The following RAB3GAP1 variants were observed in gnomAD, a reference collection of about 807,000 sequenced individuals.
RAB3GAP1 encodes RAB3 GTPase activating protein catalytic subunit 1, also known as rab3 GTPase-activating protein catalytic subunit.
A neutral mutation model predicts 130.7 loss-of-function variants in RAB3GAP1; 86 were observed. That is an observed-to-expected ratio of 0.66 (90% CI 0.55 to 0.79). The LOEUF is 0.79. Among genes scored for constraint, RAB3GAP1 ranks in the 30% least tolerant of loss-of-function variants. The pLI, the probability that RAB3GAP1 is intolerant of heterozygous loss-of-function variation, is 0.00. For missense variants in RAB3GAP1, 1,029 were observed against 1,169.4 expected (o/e 0.88, Z 1.75); for synonymous variants, 367 against 401.7 (o/e 0.91, Z 1.03).
chr2:135,142,765 T>C (rs903133224), intron 17 of RAB3GAP1, among the ~76,000 whole-genome samples: 3 of 152,106 alleles, frequency 2.0e-5, no homozygotes, highest in African/African-American at 7.2e-5. Flanking sequence ...TAATCCTATT[T>C]TATTCTCCCT....
chr2:135,131,249 C>T (rs760919738), intron 13 of RAB3GAP1, among the ~76,000 whole-genome samples: 47 of 151,996 alleles, frequency 3.1e-4, no homozygotes, highest in African/African-American at 1.1e-3. Flanking sequence ...TTTTTTGAGA[C>T]GAAGTCTCGC....
intron 3 of RAB3GAP1, among the ~76,000 whole-genome samples, chr2:135,087,221 A>C (rs1690012254): frequency 6.6e-6 from 1 of 152,182 alleles, no homozygotes; most frequent in South Asian, 2.1e-4. Context: ...TGTGAAGTCA[A>C]ATGTAAGTGC....
chr2:135,106,006 G>C (rs1180486219), intron 5 of RAB3GAP1, among the ~76,000 whole-genome samples: 1 of 147,030 alleles, frequency 6.8e-6, no homozygotes, highest in African/African-American at 2.5e-5. Flanking sequence ...CAGCTGCCCC[G>C]TCTGAGAAGT....
In RAB3GAP1 at chr2:135,067,987, G is replaced by A. The variant is rs552651539; in HGVS notation, c.150+9901G>A. The stretch of plus-strand genomic sequence containing the variant: ...ATTCCTGGGTTCAAGTGATTCTCCC[G>A]CCTCAGCCTCCCAAAATGCTAGGAT... On this transcript the variant is annotated intron_variant, in intron 3 of 23. Transcript: ENST00000264158. 2.0e-4 allele frequency among the ~76,000 whole-genome samples: 31 copies of A among 152,124 alleles called. 1 individual carries two copies. The highest frequency in any genetic ancestry group is 1.9e-3 in the Admixed American group (29 of 15,270).
intron 3 of RAB3GAP1, among the ~76,000 whole-genome samples, chr2:135,064,128 T>A (rs1386751789): frequency 2.0e-5 from 3 of 152,168 alleles, no homozygotes; most frequent in African/African-American, 7.2e-5. Flanking sequence ...TTTTTTTATT[T>A]AAAAAAATTT....
intron 17 of RAB3GAP1, chr2:135,137,110 C>T (rs1386740879): frequency 6.8e-6 from 2 of 294,260 alleles, no homozygotes; most frequent in Admixed American, 8.2e-5. Flanking sequence ...AAGATTGATT[C>T]TAGGACTGTG....
intron 22 of RAB3GAP1, among the ~76,000 whole-genome samples, chr2:135,164,389 G>T (rs1692565837): frequency 6.6e-6 from 1 of 152,040 alleles, no homozygotes; most frequent in South Asian, 2.1e-4. Context: ...TATGAGCACA[G>T]GTGAAAAAGC....
At chr2:135,112,121 C>T in intron 5 of RAB3GAP1, among the ~76,000 whole-genome samples, 1 of 152,218 alleles carries the variant, frequency 6.6e-6, no homozygotes, top group Non-Finnish European at 1.5e-5. Flanking sequence ...CCCAGCCCCA[C>T]CACTGACCCT....
intron 5 of RAB3GAP1, among the ~76,000 whole-genome samples, chr2:135,101,425 A>G (rs1690446172): frequency 6.6e-6 from 1 of 152,248 alleles, no homozygotes; most frequent in Non-Finnish European, 1.5e-5. Flanking sequence ...TATACCATAA[A>G]TATACAATTA....
At chr2:135,081,327 A>AAAAAATATATAT (rs1363481112) in intron 3 of RAB3GAP1, among the ~76,000 whole-genome samples, 11 of 64,044 alleles carry the variant, frequency 1.7e-4, no homozygotes, top group Admixed American at 8.5e-4. Flanking sequence ...AAAAAAAAAA[A>AAAAAATATATAT]ATATATATAT....
chr2:135,065,802 C>G (rs906572169), intron 3 of RAB3GAP1, among the ~76,000 whole-genome samples: 5 of 137,444 alleles, frequency 3.6e-5, no homozygotes, highest in African/African-American at 1.5e-4. Context: ...GACGGAGTCT[C>G]ACTCTGTCAC....
chr2:135,173,260 CAT>C (rs1472227584), downstream of RAB3GAP1, among the ~76,000 whole-genome samples: 1 of 151,662 alleles, frequency 6.6e-6, no homozygotes, highest in Non-Finnish European at 1.5e-5. Flanking sequence ...AATTGGGAAA[CAT>C]AGATAGTACT....
At chr2:135,092,488 G>C (rs1690171205) in intron 4 of RAB3GAP1, among the ~76,000 whole-genome samples, 1 of 152,178 alleles carries the variant, frequency 6.6e-6, no homozygotes, top group Non-Finnish European at 1.5e-5. Context: ...CCAGGCTGTA[G>C]GGCAATGGCG....
intron 7 of RAB3GAP1, among the ~76,000 whole-genome samples, chr2:135,117,603 T>TCTTCTTCTG (rs1558784468): frequency 7.2e-6 from 1 of 139,222 alleles, no homozygotes; most frequent in African/African-American, 2.9e-5. Flanking sequence ...TGCTGCTTCT[T>TCTTCTTCTG]CTGCTTCTTC....
chr2:135,147,649 C>T (rs1283122026), intron 17 of RAB3GAP1, among the ~76,000 whole-genome samples: 2 of 136,540 alleles, frequency 1.5e-5, no homozygotes, highest in African/African-American at 2.7e-5. Flanking sequence ...CGGGGTCTCA[C>T]TCTGTTGCCC....
chr2:135,112,834 T>TCTCACACACACACA (rs952841554), intron 5 of RAB3GAP1, among the ~76,000 whole-genome samples: 1 of 132,372 alleles, frequency 7.6e-6, no homozygotes, highest in Non-Finnish European at 1.6e-5. Flanking sequence ...TCTCTCTCTC[T>TCTCACACACACACA]CACACACACA....
intron 7 of RAB3GAP1, among the ~76,000 whole-genome samples, chr2:135,119,224 T>C (rs1347436341): frequency 6.6e-6 from 1 of 152,032 alleles, no homozygotes; most frequent in Non-Finnish European, 1.5e-5. Context: ...TTCTCCTGCC[T>C]CAGCCTCCCA....
intron 5 of RAB3GAP1, among the ~76,000 whole-genome samples, chr2:135,095,800 A>G (rs62170163): frequency 0.042 from 6,404 of 152,264 alleles, 160 homozygotes; most frequent in African/African-American, 0.056. Context: ...TGTATCTACA[A>G]TGTATACACT....
chr2:135,115,231 T>G lies in RAB3GAP1; in HGVS notation c.498T>G (p.Phe166Leu). 6.2e-7 allele frequency: 1 copy of G among 1,611,112 alleles called. No homozygotes were observed. Among genetic ancestry groups the G allele is most frequent in the Non-Finnish European group, 8.5e-7 (1 of 1,177,312 alleles). ...LGNTGCQVPL[F>L]VQIHHKWRRM... ...TGTCTTGCAGTCAGGTGCCACTCTT[T>G]GTGCAAATTCACCACAAATGGCGAA... is the stretch of plus-strand genomic sequence containing the variant. Residue 166 changes from phenylalanine to leucine, a missense_variant, in exon 7 of 24, where the codon TTT (phenylalanine) becomes TTG (leucine). Phe to Leu is a conservative substitution (Grantham distance 22). This residue lies in a region of RAB3GAP1 where 510 missense variants were observed against 532.1 expected (regional missense o/e 0.96). Coordinates refer to ENST00000264158, the MANE Select transcript of RAB3GAP1 (RefSeq NM_012233.3).
Sources: allele counts gnomAD v4.1 joint callset (sites outside exome capture counted in the v4.1 genomes callset), GRCh38; gene constraint gnomAD v4.1.1; regional missense constraint gnomAD v4.1.1; transcripts MANE v1.5; gene names NCBI Gene and HGNC (gene_info 2026-07-23, HGNC 2026-07-21).